NIPBL: variants seen among roughly 807,000 people sequenced by gnomAD.
The protein encoded by NIPBL is nipped-B-like protein.
A neutral mutation model predicts 321.8 loss-of-function variants in NIPBL; 19 were observed. That is an observed-to-expected ratio of 0.06 (90% CI 0.04 to 0.09). The LOEUF (loss-of-function observed/expected upper bound fraction) is 0.09. NIPBL is among the 10% of genes least tolerant of loss of function. The pLI, the probability that NIPBL is intolerant of heterozygous loss-of-function variation, is 1.00. For missense variants in NIPBL, 2,210 were observed against 3,327.0 expected, an observed-to-expected ratio of 0.66 and a Z score of 8.26; for synonymous variants, 1,106 against 1,114.1, an observed-to-expected ratio of 0.99 and a Z score of 0.14.
At chr5:36,895,347 C>T (rs1200840813) in intron 1 of NIPBL, among the ~76,000 whole-genome samples, 1 of 152,202 alleles carries the variant, frequency 6.6e-6, no homozygotes, top group African/African-American at 2.4e-5. Flanking sequence ...GGATATACCA[C>T]ATTTTACTTT....
chr5:37,000,672 T>A, intron 12 of NIPBL, 102 bp downstream of exon 12: 1 of 1,365,596 alleles, frequency 7.3e-7, no homozygotes, highest in Non-Finnish European at 1.0e-6. Context: ...AATAACTAAT[T>A]TTCAATTAAG....
intron 1 of NIPBL, among the ~76,000 whole-genome samples, chr5:36,903,641 C>T (rs1747405620): frequency 6.6e-6 from 1 of 152,088 alleles, no homozygotes; most frequent in African/African-American, 2.4e-5. Flanking sequence ...TTCATATAAA[C>T]AAGCTAAAAA....
intron 6 of NIPBL, among the ~76,000 whole-genome samples, chr5:36,965,289 G>T (rs746005636): frequency 2.6e-5 from 4 of 152,090 alleles, no homozygotes; most frequent in African/African-American, 9.7e-5. Flanking sequence ...TCCCCCATCA[G>T]TGGATGAATA....
chr5:37,036,347 G>GTATATATATATATA (rs10554564), intron 32 of NIPBL, 32 bp from the exon 33 acceptor site: 5 of 384,512 alleles, frequency 1.3e-5, no homozygotes, highest in Admixed American at 1.1e-4. Context: ...ATATATATAT[G>GTATATATATATATA]TATATATATA....
At chr5:36,935,138 T>C (rs1305517815) in intron 1 of NIPBL, among the ~76,000 whole-genome samples, 2 of 152,262 alleles carry the variant, frequency 1.3e-5, no homozygotes, top group South Asian at 4.1e-4. Context: ...TAAGTGGGAC[T>C]GGAAAATAAT....
intron 6 of NIPBL, among the ~76,000 whole-genome samples, chr5:36,966,687 A>AT (rs1491321282): frequency 1.3e-5 from 2 of 152,116 alleles, no homozygotes; most frequent in Non-Finnish European, 2.9e-5. Context: ...AAAAACGATG[A>AT]TTTTTTAAAA....
chr5:37,029,032 A>G (rs1750647734), intron 32 of NIPBL, among the ~76,000 whole-genome samples: 1 of 152,232 alleles, frequency 6.6e-6, no homozygotes, highest in Non-Finnish European at 1.5e-5. Context: ...CTAGAGGCTT[A>G]ATATGATTAA....
At chr5:37,037,407 A>ATG (rs996003773) in intron 33 of NIPBL, among the ~76,000 whole-genome samples, 4 of 144,884 alleles carry the variant, frequency 2.8e-5, no homozygotes, top group African/African-American at 7.6e-5. Flanking sequence ...ATATATATAT[A>ATG]TGTATATATA....
chr5:36,914,837 C>T (rs995410910), intron 1 of NIPBL, among the ~76,000 whole-genome samples: 4 of 152,160 alleles, frequency 2.6e-5, no homozygotes, highest in Admixed American at 1.3e-4. Flanking sequence ...TAGTGATTTG[C>T]CCAGAGTTAC....
At chr5:37,021,680 C>T (rs1749660400) in intron 27 of NIPBL, among the ~76,000 whole-genome samples, 1 of 152,034 alleles carries the variant, frequency 6.6e-6, no homozygotes, top group Admixed American at 6.6e-5. Context: ...GACTCCATCC[C>T]AAAAAATAAA....
chr5:37,034,144 C>G (rs1472538214), intron 32 of NIPBL, among the ~76,000 whole-genome samples: 2 of 151,972 alleles, frequency 1.3e-5, no homozygotes, highest in Non-Finnish European at 2.9e-5. Flanking sequence ...CTGTGTTCAA[C>G]CCCATTAGTA....
chr5:37,001,579 T>A (rs1746807528), intron 14 of NIPBL, among the ~76,000 whole-genome samples: 1 of 152,172 alleles, frequency 6.6e-6, no homozygotes, highest in African/African-American at 2.4e-5. Context: ...ATTCTTCTGT[T>A]CATTTATTCT....
At chr5:36,924,550 G>T (rs1382206882) in intron 1 of NIPBL, among the ~76,000 whole-genome samples, 2 of 152,134 alleles carry the variant, frequency 1.3e-5, no homozygotes, top group Non-Finnish European at 2.9e-5. Context: ...CAGGAACACT[G>T]TATTGTCTTG....
intron 3 of NIPBL, among the ~76,000 whole-genome samples, chr5:36,956,620 T>C (rs1740982990): frequency 7.5e-6 from 1 of 133,482 alleles, no homozygotes; most frequent in African/African-American, 2.9e-5. Flanking sequence ...TCACTTCTTT[T>C]TTTTTTTTTT....
At chr5:36,930,318 T>A (rs1017576367) in intron 1 of NIPBL, among the ~76,000 whole-genome samples, 1 of 152,102 alleles carries the variant, frequency 6.6e-6, no homozygotes, top group South Asian at 2.1e-4. Flanking sequence ...ATGGTCCTAG[T>A]TTGAATGGAA....
intron 1 of NIPBL, among the ~76,000 whole-genome samples, chr5:36,936,920 C>T (rs1738496953): frequency 6.6e-6 from 1 of 151,634 alleles, no homozygotes; most frequent in Non-Finnish European, 1.5e-5. Context: ...CCTTCTGTAC[C>T]TCATAATATA....
chr5:36,955,274 G>T (rs868096341), intron 2 of NIPBL, among the ~76,000 whole-genome samples, 198 bp from the exon 3 acceptor site: 1 of 152,300 alleles, frequency 6.6e-6, no homozygotes. Flanking sequence ...CTAGAGACTA[G>T]TATAATCTAT....
chr5:37,033,008 T>C (rs1229075268), intron 32 of NIPBL, among the ~76,000 whole-genome samples: 1 of 152,210 alleles, frequency 6.6e-6, no homozygotes, highest in African/African-American at 2.4e-5. Context: ...TTCTTATTTA[T>C]ATTATAAGTG....
chr5:36,905,520 TCTC>T (rs1418001377), intron 1 of NIPBL, among the ~76,000 whole-genome samples: 1 of 152,166 alleles, frequency 6.6e-6, no homozygotes, highest in Admixed American at 6.5e-5. Flanking sequence ...TCCTTGCACT[TCTC>T]CTTCCTGAAC....
Sources: allele counts gnomAD v4.1 joint callset (sites outside exome capture counted in the v4.1 genomes callset), GRCh38; gene constraint gnomAD v4.1.1; transcripts MANE v1.5; gene names NCBI Gene and HGNC (gene_info 2026-07-23, HGNC 2026-07-21).